DNAAF11: variants seen among roughly 807,000 people sequenced by gnomAD.
The protein encoded by DNAAF11 is dynein axonemal assembly factor 11.
A neutral mutation model predicts 60.8 loss-of-function variants in DNAAF11; 45 were observed. The ratio of observed to expected loss-of-function variants is 0.74; its 90% confidence interval spans 0.58 to 0.95. The LOEUF (loss-of-function observed/expected upper bound fraction) is 0.95, where lower values mean the gene tolerates loss of function less well. Ranked by LOEUF, DNAAF11 falls within the 40% of genes least tolerant of loss-of-function variation. The pLI is 0.00. For missense variants in DNAAF11, 546 were observed against 546.2 expected, an observed-to-expected ratio of 1.00 and a Z score of 0.00; for synonymous variants, 191 against 183.5, an observed-to-expected ratio of 1.04 and a Z score of -0.33.
intron 10 of DNAAF11, among the ~76,000 whole-genome samples, chr8:132,591,579 T>C (rs1816468543): frequency 6.6e-6 from 1 of 152,080 alleles, no homozygotes; most frequent in Non-Finnish European, 1.5e-5. Context: ...AATTTACACA[T>C]ATTATCCTTT....
At chr8:132,684,860 T>C in the DNAAF11 span, 1 of 152,222 alleles carries the variant, frequency 6.6e-6, no homozygotes, top group Admixed American at 6.5e-5. Context: ...TGTCCTATGA[T>C]GCTAAAAAGT....
At chr8:132,639,891 T>G (rs1227563213) in intron 3 of DNAAF11, among the ~76,000 whole-genome samples, 2 of 152,120 alleles carry the variant, frequency 1.3e-5, no homozygotes, top group Non-Finnish European at 2.9e-5. Context: ...AGTTCACATT[T>G]ATGTCTAACA....
At chr8:132,687,655 T>C in the DNAAF11 span, 1 of 456,248 alleles carries the variant, frequency 2.2e-6, no homozygotes, top group Non-Finnish European at 4.4e-6. Context: ...CATTGTTGTT[T>C]CTGTTTTGCA....
chr8:132,597,111 T>G (rs1040387763), intron 10 of DNAAF11, among the ~76,000 whole-genome samples: 2 of 152,198 alleles, frequency 1.3e-5, no homozygotes, highest in South Asian at 4.1e-4. Context: ...TTTGGAGCCT[T>G]TGCAGTCAGG....
intron 5 of DNAAF11, among the ~76,000 whole-genome samples, chr8:132,632,235 T>C (rs2130448177): frequency 6.6e-6 from 1 of 152,264 alleles, no homozygotes; most frequent in East Asian, 1.9e-4. Context: ...CTGACTATAG[T>C]TGCAATTCAC....
chr8:132,681,003 C>CTTTTTTTTT, the DNAAF11 span, among the ~76,000 whole-genome samples: 3,096 of 52,320 alleles, frequency 0.059, 877 homozygotes, highest in African/African-American at 0.12. Flanking sequence ...ATAACTATTC[C>CTTTTTTTTT]TTTTTTTTTT....
rs867706470 is a variant in DNAAF11 at position 132,637,619 on chromosome 8, C to A, written c.429+316G>T. Among the ~76,000 whole-genome samples, 481 of 149,508 alleles carry A rather than the reference C, an allele frequency of 3.2e-3. 2 individuals are homozygous for A. Among genetic ancestry groups the A allele is most frequent in the African/African-American group, 0.011 (458 of 40,846 alleles). ...GACTCCATCTCAAAAAAAAAAAAAA[C>A]AAGTAATAATGAATTCTTATCAGTA... is the stretch of plus-strand genomic sequence containing the variant. On this transcript the variant is annotated intron_variant, in intron 4 of 11. Transcript: ENST00000620350.
chr8:132,640,987 A>C (rs1391618879), intron 3 of DNAAF11, among the ~76,000 whole-genome samples: 2 of 152,168 alleles, frequency 1.3e-5, no homozygotes, highest in African/African-American at 4.8e-5. Context: ...AATAGTGGTA[A>C]CATTGTTCAT....
upstream of DNAAF11, among the ~76,000 whole-genome samples, chr8:132,676,079 G>C (rs1038776546): frequency 6.6e-6 from 1 of 152,134 alleles, no homozygotes; most frequent in African/African-American, 2.4e-5. Flanking sequence ...ATAAAGATTC[G>C]TTGTCGTTGT....
chr8:132,627,165 A>G (rs1156328196), intron 5 of DNAAF11, among the ~76,000 whole-genome samples: 1 of 152,224 alleles, frequency 6.6e-6, no homozygotes, highest in East Asian at 1.9e-4. Context: ...ATTCTACAAT[A>G]TTCTATATAA....
the DNAAF11 span, among the ~76,000 whole-genome samples, chr8:132,698,544 A>G: frequency 9.5e-4 from 145 of 152,336 alleles, no homozygotes; most frequent in East Asian, 0.026. Context: ...TAAAGAGGGC[A>G]TCTTGAATAA....
chr8:132,683,979 C>T, the DNAAF11 span, among the ~76,000 whole-genome samples: 1 of 152,206 alleles, frequency 6.6e-6, no homozygotes, highest in Non-Finnish European at 1.5e-5. Context: ...CCCATGGCAT[C>T]CTGGCCAGAC....
At chr8:132,596,987 G>A (rs374509829) in intron 10 of DNAAF11, among the ~76,000 whole-genome samples, 22 of 152,150 alleles carry the variant, frequency 1.4e-4, no homozygotes, top group East Asian at 9.7e-4. Context: ...GCAATTAGAA[G>A]AATGACCTGT....
At chr8:132,609,072 C>G (rs1295709387) in intron 10 of DNAAF11, among the ~76,000 whole-genome samples, 1 of 152,142 alleles carries the variant, frequency 6.6e-6, no homozygotes, top group African/African-American at 2.4e-5. Context: ...CCTTTGAAAT[C>G]TAAATGACTT....
intron 10 of DNAAF11, among the ~76,000 whole-genome samples, chr8:132,605,682 G>T (rs1230186482): frequency 6.6e-6 from 1 of 152,150 alleles, no homozygotes; most frequent in Non-Finnish European, 1.5e-5. Context: ...AATACAGCAG[G>T]AACAGGGGAT....
chr8:132,583,221 AC>A (rs1815516758), intron 11 of DNAAF11, among the ~76,000 whole-genome samples: 1 of 152,150 alleles, frequency 6.6e-6, no homozygotes, highest in South Asian at 2.1e-4. Context: ...GGAGTGACAC[AC>A]GGATCATAAA....
At chr8:132,595,348 G>GAAAAAAAAAAAAAAAAAAAAAAAAAAAA (rs71306394) in intron 10 of DNAAF11, among the ~76,000 whole-genome samples, 1 of 57,412 alleles carries the variant, frequency 1.7e-5, no homozygotes, top group African/African-American at 1.1e-4. Context: ...AGACAGAGGG[G>GAAAAAAAAAAAAAAAAAAAAAAAAAAAA]AAAAAAAAAA....
chr8:132,611,229 A>G, intron 9 of DNAAF11, 65 bp downstream of exon 9: 1 of 1,119,550 alleles, frequency 8.9e-7, no homozygotes, highest in Non-Finnish European at 1.3e-6. Flanking sequence ...AAAACATTTG[A>G]GGCACCACAG....
intron 10 of DNAAF11, among the ~76,000 whole-genome samples, chr8:132,590,318 G>C (rs1816332860): frequency 6.6e-6 from 1 of 152,220 alleles, no homozygotes; most frequent in South Asian, 2.1e-4. Flanking sequence ...CCCTGCCCAA[G>C]AGGGTTACTG....
Sources: allele counts gnomAD v4.1 joint callset (sites outside exome capture counted in the v4.1 genomes callset), GRCh38; gene constraint gnomAD v4.1.1; transcripts MANE v1.5; gene names NCBI Gene and HGNC (gene_info 2026-07-23, HGNC 2026-07-21).